The following RCAN3 variants were observed in gnomAD, a reference collection of about 807,000 sequenced individuals.
The protein encoded by RCAN3 is calcipressin-3.
Under a neutral mutation model 21.9 loss-of-function variants are expected in RCAN3, and 19 were observed. The ratio of observed to expected loss-of-function variants is 0.87; its 90% confidence interval spans 0.61 to 1.27. RCAN3 has a LOEUF of 1.27. Among genes scored for constraint, RCAN3 ranks in the 50% most tolerant of loss-of-function variants. The pLI is 0.00. For missense variants in RCAN3, 240 were observed against 300.1 expected, an observed-to-expected ratio of 0.80 and a Z score of 1.48; for synonymous variants, 114 against 112.3, an observed-to-expected ratio of 1.01 and a Z score of -0.09.
intron 1 of RCAN3, among the ~76,000 whole-genome samples, chr1:24,505,792 G>T (rs1432151733): frequency 6.6e-6 from 1 of 152,106 alleles, no homozygotes; most frequent in Non-Finnish European, 1.5e-5. Flanking sequence ...AGTACATCTA[G>T]CTAAGATACT....
chr1:24,505,233 T>TC (rs1647343326), intron 1 of RCAN3, among the ~76,000 whole-genome samples: 2 of 59,098 alleles, frequency 3.4e-5, no homozygotes, highest in African/African-American at 1.4e-4. Context: ...CTCTTTTTTC[T>TC]TTTTTTTTTT....
chr1:24,537,951 A>G lies in RCAN3; in HGVS notation c.*2674A>G, dbSNP rs748857815. On this transcript the variant is annotated 3_prime_UTR_variant, in exon 5 of 5. Transcript: ENST00000374395. ...ATAGTATAGTAGCCATGTTTTCTTT[A>G]GAAATCATAACCTCTTCATGGGAAT... The G allele has an allele frequency of 1.3e-5, 2 of 152,274 alleles. No homozygotes were observed. Among genetic ancestry groups the G allele is most frequent in the Non-Finnish European group, 2.9e-5 (2 of 68,050 alleles). The allele number at this position is 152,274 out of a possible 1,614,324, so 9.4% of individuals were successfully genotyped here.
intron 1 of RCAN3, among the ~76,000 whole-genome samples, chr1:24,508,528 G>A (rs188357354): frequency 1.2e-3 from 188 of 152,288 alleles, no homozygotes; most frequent in African/African-American, 4.4e-3. Flanking sequence ...GGAGAAAGAG[G>A]CAGTAAAAAA....
rs1366273427 is a variant in RCAN3 at position 24,536,186 on chromosome 1, T to C, written c.*909T>C. ...CACTAGTTCTTGAGTTTTTTGGCTA[T>C]GATGTGTACGTTTATGTATGTCATT... On this transcript the variant is annotated 3_prime_UTR_variant, in exon 5 of 5. Transcript: ENST00000374395. 6.6e-6 allele frequency: 1 copy of C among 152,248 alleles called. No homozygotes were observed. Among genetic ancestry groups the C allele is most frequent in the Non-Finnish European group, 1.5e-5 (1 of 68,040 alleles). 9.4% of individuals were successfully genotyped at this position (152,248 alleles called of 1,614,324 possible). A position where few individuals can be genotyped will look rare whatever the true frequency, so the allele number is the denominator to read the frequency against.
Position 24,504,591 on chromosome 1 carries a change from G to A in RCAN3, c.-60+1441G>A, listed in dbSNP as rs7546644. On this transcript the variant is annotated intron_variant, in intron 1 of 4. Coordinates refer to ENST00000374395, the MANE Select transcript of RCAN3 (RefSeq NM_013441.4). ...CATGTGAACATTAGGTAACAGACAA[G>A]AGCAGATTTTATATGGTGTTAGAGT... is the stretch of plus-strand genomic sequence containing the variant. 2.1e-3 allele frequency among the ~76,000 whole-genome samples: 321 copies of A among 152,318 alleles called. 1 individual carries two copies. Among genetic ancestry groups the A allele is most frequent in the African/African-American group, 7.3e-3 (304 of 41,556 alleles).
At chr1:24,507,384 A>G (rs1647524656) in intron 1 of RCAN3, among the ~76,000 whole-genome samples, 3 of 152,232 alleles carry the variant, frequency 2.0e-5, no homozygotes. Flanking sequence ...AATCCCATGC[A>G]GAATTCAATT....
At chr1:24,507,306 AT>A (rs1647519146) in intron 1 of RCAN3, among the ~76,000 whole-genome samples, 1 of 152,232 alleles carries the variant, frequency 6.6e-6, no homozygotes, top group Admixed American at 6.5e-5. Flanking sequence ...AATGCTCCCC[AT>A]TCTTTTCCTC....
chr1:24,514,636 G>A, intron 2 of RCAN3, 69 bp downstream of exon 2: 1 of 1,445,922 alleles, frequency 6.9e-7, no homozygotes, highest in South Asian at 1.3e-5. Context: ...GGGAAACAGA[G>A]CTTGACTGGT....
chr1:24,532,948 CAAAAAAAAAAAA>C (rs756973308), intron 3 of RCAN3, 123 bp from the exon 4 acceptor site: 9 of 93,220 alleles, frequency 9.7e-5, no homozygotes, highest in Admixed American at 4.0e-4. Flanking sequence ...GACTCCGTCT[CAAAAAAAAAAAA>C]AAAAAAAAAA....
intron 2 of RCAN3, among the ~76,000 whole-genome samples, chr1:24,523,840 C>T (rs1002684625): frequency 5.9e-5 from 9 of 152,262 alleles, no homozygotes; most frequent in African/African-American, 1.9e-4. Context: ...TATACATTAA[C>T]AAAATATGTG....
rs1184731886 is a variant in RCAN3 at position 24,503,053 on chromosome 1, C to T, written c.-157C>T. 4 of 149,650 alleles carry T rather than the reference C, an allele frequency of 2.7e-5. No individual in the cohort carries two copies. The highest frequency in any genetic ancestry group is 1.3e-4 in the Admixed American group (2 of 15,046). 9.3% of individuals were successfully genotyped at this position (149,650 alleles called of 1,614,324 possible). ...CGCGCCGTCCGGCTCCCCGCAGCCC[C>T]GTCGGGCAGCCCGGGCCCGTCCGCT... On this transcript the variant is annotated 5_prime_UTR_variant, in exon 1 of 5. Coordinates refer to ENST00000374395, the MANE Select transcript of RCAN3 (RefSeq NM_013441.4).
intron 4 of RCAN3, among the ~76,000 whole-genome samples, chr1:24,534,693 G>A (rs1003517452): frequency 7.9e-5 from 12 of 151,998 alleles, no homozygotes; most frequent in Non-Finnish European, 1.2e-4. Flanking sequence ...CCAACTACTC[G>A]GGAGGCTAAG....
chr1:24,531,144 T>G (rs1159944350), intron 2 of RCAN3, 74 bp from the exon 3 acceptor site: 10 of 1,056,986 alleles, frequency 9.5e-6, no homozygotes, highest in Admixed American at 2.6e-5. Context: ...TGATTTAAAT[T>G]TCCCCTTCTG....
At chr1:24,511,039 C>T (rs1557564902) in intron 1 of RCAN3, among the ~76,000 whole-genome samples, 2 of 152,104 alleles carry the variant, frequency 1.3e-5, no homozygotes, top group South Asian at 2.1e-4. Flanking sequence ...CATGGCCGGG[C>T]GTGGTGGCTC....
rs575230064 is a variant in RCAN3 at position 24,512,377 on chromosome 1, C to T, written c.-59-1937C>T. Among the ~76,000 whole-genome samples, 10 of 151,712 alleles carry T rather than the reference C, an allele frequency of 6.6e-5. No homozygotes were observed. In the South Asian group the frequency reaches 1.9e-3, roughly 28 times the overall value. On this transcript the variant is annotated intron_variant, in intron 1 of 4. Coordinates refer to ENST00000374395, the MANE Select transcript of RCAN3 (RefSeq NM_013441.4). ...AAAAAAAAAAATTAAGTACAGCTGACAGCTGATGGAACGAGGTTCTTTAGG... is the reference window on the plus strand; with the variant it reads ...AAAAAAAAAAATTAAGTACAGCTGATAGCTGATGGAACGAGGTTCTTTAGG...
At position 24,535,304 on chromosome 1, in the gene RCAN3, T is replaced by G. The variant is rs370329021; in HGVS notation, c.*27T>G. The G allele has an allele frequency of 4.6e-6, 7 of 1,509,600 alleles. No individual in the cohort carries two copies. The highest frequency in any genetic ancestry group is 4.4e-6 in the Non-Finnish European group (5 of 1,136,568). 93.5% of individuals were successfully genotyped at this position (1,509,600 alleles called of 1,614,324 possible). A position where few individuals can be genotyped will look rare whatever the true frequency, so the allele number is the denominator to read the frequency against. On this transcript the variant is annotated 3_prime_UTR_variant, in exon 5 of 5. Coordinates refer to ENST00000374395, the MANE Select transcript of RCAN3 (RefSeq NM_013441.4). ...GCCCTTGGTTGTGGTGCGAGGCGGC[T>G]GCCCTGGTGGGCTCTGGCCATGGCG...
chr1:24,528,254 G>GAAAAAAAAAAAAAAGAAAAAAAAAAAAA, intron 2 of RCAN3, among the ~76,000 whole-genome samples: 1 of 122,140 alleles, frequency 8.2e-6, no homozygotes, highest in Non-Finnish European at 1.7e-5. Flanking sequence ...TGGAAAAAAA[G>GAAAAAAAAAAAAAAGAAAAAAAAAAAAA]AAAAAAAAAA....
intron 2 of RCAN3, among the ~76,000 whole-genome samples, chr1:24,515,427 GGTGT>G (rs67348372): frequency 2.3e-3 from 337 of 146,482 alleles, no homozygotes; most frequent in Middle Eastern, 0.021. Context: ...TAGAAAGAGA[GGTGT>G]GTGTGTGTGT....
Position 24,512,037 on chromosome 1 carries a change from G to A in RCAN3, c.-59-2277G>A, listed in dbSNP as rs576449435. Among the ~76,000 whole-genome samples, 79 of 152,192 alleles carry A rather than the reference G, an allele frequency of 5.2e-4. No homozygotes were observed. In the South Asian group the frequency reaches 8.5e-3, roughly 16 times the overall value. On this transcript the variant is annotated intron_variant, in intron 1 of 4. Coordinates refer to ENST00000374395, the MANE Select transcript of RCAN3 (RefSeq NM_013441.4). The stretch of plus-strand genomic sequence containing the variant: ...GGGTAGAATCCAGATGGTAGGGCTC[G>A]CAGGAACACATGTTTGCTGAGGAAG...
Sources: allele counts gnomAD v4.1 joint callset (sites outside exome capture counted in the v4.1 genomes callset), GRCh38; gene constraint gnomAD v4.1.1; transcripts MANE v1.5; gene names NCBI Gene and HGNC (gene_info 2026-07-23, HGNC 2026-07-21).